USP48: variants seen among roughly 807,000 people sequenced by gnomAD.
USP48 encodes ubiquitin carboxyl-terminal hydrolase 48.
In USP48, 43 loss-of-function variants were observed where a neutral mutation model predicts 150.7. The observed-to-expected ratio is 0.29, with a 90% CI of 0.22 to 0.37. The LOEUF is 0.37. Among genes scored for constraint, USP48 ranks in the 10% least tolerant of loss-of-function variants. The pLI, the probability that USP48 is intolerant of heterozygous loss-of-function variation, is 1.00. For synonymous variants in USP48, 396 were observed against 425.9 expected, an observed-to-expected ratio of 0.93 and a Z score of 0.86; for missense variants, 813 against 1,249.6, an observed-to-expected ratio of 0.65 and a Z score of 5.27.
At chr1:21,769,890 GA>G (rs1190176181) in intron 1 of USP48, among the ~76,000 whole-genome samples, 7 of 150,862 alleles carry the variant, frequency 4.6e-5, no homozygotes, top group African/African-American at 1.7e-4. Flanking sequence ...AAAAAGAAAA[GA>G]AAAAAAAGGA....
chr1:21,702,365 A>G (rs1177404880), intron 21 of USP48, among the ~76,000 whole-genome samples: 1 of 151,998 alleles, frequency 6.6e-6, no homozygotes, highest in African/African-American at 2.4e-5. Context: ...ATATCTAGAG[A>G]TATGGGTCAG....
chr1:21,760,855 G>T (rs1368008818), intron 1 of USP48, among the ~76,000 whole-genome samples: 1 of 152,216 alleles, frequency 6.6e-6, no homozygotes, highest in Non-Finnish European at 1.5e-5. Flanking sequence ...AGCACTTTGG[G>T]AGGCTGAGGC....
At chr1:21,694,592 AAAAAAAAAAAAAAAACC>A in intron 23 of USP48, among the ~76,000 whole-genome samples, 1 of 135,272 alleles carries the variant, frequency 7.4e-6, no homozygotes, top group African/African-American at 2.7e-5. Context: ...AAAAAAAAAA[AAAAAAAAAAAAAAAACC>A]CCCTCTATCT....
chr1:21,723,330 G>C (rs1286810845), intron 12 of USP48, among the ~76,000 whole-genome samples: 1 of 151,930 alleles, frequency 6.6e-6, no homozygotes, highest in Non-Finnish European at 1.5e-5. Flanking sequence ...GACCAGCCTG[G>C]GCAACACAGT....
chr1:21,750,073 C>T (rs1557564168), intron 6 of USP48, among the ~76,000 whole-genome samples: 1 of 152,178 alleles, frequency 6.6e-6, no homozygotes, highest in Non-Finnish European at 1.5e-5. Flanking sequence ...GACTGTACCA[C>T]TCCTACGCAT....
intron 26 of USP48, among the ~76,000 whole-genome samples, chr1:21,680,517 T>C (rs1395084211): frequency 2.0e-5 from 3 of 152,196 alleles, no homozygotes; most frequent in Admixed American, 2.0e-4. Flanking sequence ...AATCTTGAAA[T>C]GCCACTAGCT....
intron 9 of USP48, among the ~76,000 whole-genome samples, 181 bp downstream of exon 9, chr1:21,736,265 C>T (rs1287583670): frequency 6.6e-6 from 1 of 152,054 alleles, no homozygotes; most frequent in Non-Finnish European, 1.5e-5. Flanking sequence ...GAGTAAGAAC[C>T]GGACTCGAAA....
Position 21,715,594 on chromosome 1 carries a change from C to A in USP48, c.1895-137G>T, listed in dbSNP as rs945452874. 1.5e-5 allele frequency: 7 copies of A among 456,738 alleles called. 1 individual carries two copies. The Admixed American group carries it at 3.0e-4, about 20-fold the overall frequency. The allele number at this position is 456,738 out of a possible 1,614,324, so 28.3% of individuals were successfully genotyped here. A position where few individuals can be genotyped will look rare whatever the true frequency, so the allele number is the denominator to read the frequency against. On this transcript the variant is annotated intron_variant, in intron 14 of 26. Coordinates refer to ENST00000308271, the MANE Select transcript of USP48 (RefSeq NM_032236.8). ...GAAAATTAGACCCATGTGATTCCTA[C>A]ACAGTTCTGCTAAAAAGTGTTATAT...
At chr1:21,715,352 G>T in intron 15 of USP48, 37 bp downstream of exon 15, 1 of 1,504,438 alleles carries the variant, frequency 6.6e-7, no homozygotes, top group African/African-American at 1.4e-5. Flanking sequence ...TAAAAAAAAG[G>T]ACAATAAAAC....
At chr1:21,774,924 G>A (rs563672191) in intron 1 of USP48, among the ~76,000 whole-genome samples, 2 of 151,560 alleles carry the variant, frequency 1.3e-5, no homozygotes, top group East Asian at 2.0e-4. Flanking sequence ...CTTGGGAGGC[G>A]GAGGTTGCAG....
intron 3 of USP48, among the ~76,000 whole-genome samples, chr1:21,755,547 G>A (rs553559008): frequency 1.3e-5 from 2 of 152,154 alleles, no homozygotes; most frequent in East Asian, 3.9e-4. Context: ...GTGAGATCTT[G>A]TCTCAAAAAA....
At chr1:21,762,889 T>A (rs967988660) in intron 1 of USP48, among the ~76,000 whole-genome samples, 8 of 130,684 alleles carry the variant, frequency 6.1e-5, no homozygotes, top group Admixed American at 2.3e-4. Context: ...AAAAAAAAAA[T>A]TCACACGACC....
chr1:21,768,678 C>A (rs1572036507), intron 1 of USP48: 1 of 151,480 alleles, frequency 6.6e-6, no homozygotes, highest in South Asian at 2.1e-4. Flanking sequence ...AGCCCCACCC[C>A]CCCTTTCCTT....
At chr1:21,744,243 C>T (rs956929855) in intron 8 of USP48, among the ~76,000 whole-genome samples, 4 of 151,654 alleles carry the variant, frequency 2.6e-5, no homozygotes, top group Non-Finnish European at 4.4e-5. Flanking sequence ...TGGGAGTTCT[C>T]GAGACCAGCC....
intron 8 of USP48, among the ~76,000 whole-genome samples, chr1:21,744,998 T>C (rs2097791238): frequency 6.6e-6 from 1 of 152,080 alleles, no homozygotes; most frequent in African/African-American, 2.4e-5. Context: ...CATGGATATG[T>C]GTGTACAGAT....
rs1282559853 is a variant in USP48, at chr1:21,748,277, CAAGAAT to C, written c.775-12_775-7del. On this transcript the variant is annotated splice_polypyrimidine_tract_variant and splice_region_variant and intron_variant, in intron 6 of 26. Transcript: ENST00000308271. The stretch of plus-strand genomic sequence containing the variant: ...TCTCCTTCTAATTTTTCTTCCTGAT[CAAGAAT>C]AAGACATATTAATTTTAAAAAGAAG... 6.2e-7 allele frequency: 1 copy of C among 1,609,366 alleles called. No individual in the cohort carries two copies. Among genetic ancestry groups the C allele is most frequent in the East Asian group, 2.2e-5 (1 of 44,756 alleles).
At chr1:21,749,760 G>C (rs1036471565) in intron 6 of USP48, among the ~76,000 whole-genome samples, 1 of 151,918 alleles carries the variant, frequency 6.6e-6, no homozygotes, top group African/African-American at 2.4e-5. Flanking sequence ...TCAACACCAA[G>C]CCTGGTTAAT....
At chr1:21,706,910 GA>G (rs35124551) in intron 15 of USP48, 42 bp from the exon 16 acceptor site, 9 of 1,543,382 alleles carry the variant, frequency 5.8e-6, no homozygotes, top group African/African-American at 4.2e-5. Flanking sequence ...AAAAACAGCT[GA>G]AAAAAAGTCA....
At chr1:21,745,182 T>A (rs988078773) in intron 8 of USP48, among the ~76,000 whole-genome samples, 1 of 152,286 alleles carries the variant, frequency 6.6e-6, no homozygotes, top group East Asian at 1.9e-4. Flanking sequence ...CTATATAAGG[T>A]ACAGCAAGCA....
Sources: gnomAD v4.1 joint callset for allele counts (sites outside exome capture counted in the v4.1 genomes callset) on GRCh38, gnomAD v4.1.1 for gene constraint, MANE v1.5 for transcripts, NCBI Gene and HGNC (gene_info 2026-07-23, HGNC 2026-07-21) for gene names.